CELF2: variants seen among roughly 807,000 people sequenced by gnomAD.
CELF2 encodes CUG triplet repeat RNA-binding protein 2.
A neutral mutation model predicts 62.6 loss-of-function variants in CELF2; 8 were observed. That is an observed-to-expected ratio of 0.13 (90% CI 0.07 to 0.23). The LOEUF (loss-of-function observed/expected upper bound fraction) is 0.23, where lower values mean the gene tolerates loss of function less well. Among genes scored for constraint, CELF2 ranks in the 10% least tolerant of loss-of-function variants. The pLI is 1.00. For synonymous variants in CELF2, 258 were observed against 250.0 expected (o/e 1.03, Z -0.30); for missense variants, 333 against 671.0 (o/e 0.50, Z 5.56).
chr10:11,074,450 C>T (rs1191648482), intron 1 of CELF2, among the ~76,000 whole-genome samples: 1 of 152,120 alleles, frequency 6.6e-6, no homozygotes, highest in Admixed American at 6.5e-5. Context: ...TGAATTGAAC[C>T]CTTCCGTTTT....
intron 7 of CELF2, among the ~76,000 whole-genome samples, chr10:11,273,304 C>T (rs2084574860): frequency 6.6e-6 from 1 of 152,148 alleles, no homozygotes; most frequent in African/African-American, 2.4e-5. Context: ...GCGTTACTGC[C>T]TGAGCCCCAC....
At chr10:11,231,559 T>TA (rs1385688195) in intron 3 of CELF2, among the ~76,000 whole-genome samples, 2 of 151,354 alleles carry the variant, frequency 1.3e-5, no homozygotes, top group African/African-American at 4.9e-5. Flanking sequence ...GGCTGGAAGA[T>TA]AAAAAGGACC....
At chr10:10,544,978 G>T in the CELF2 span, among the ~76,000 whole-genome samples, 1 of 152,154 alleles carries the variant, frequency 6.6e-6, no homozygotes, top group Non-Finnish European at 1.5e-5. Context: ...CAAAGTCATC[G>T]TTAAGATTCT....
At chr10:11,030,765 A>G (rs981595080) in intron 1 of CELF2, 1 of 152,216 alleles carries the variant, frequency 6.6e-6, no homozygotes, top group Non-Finnish European at 1.5e-5. Context: ...TGACCCAGCA[A>G]TCTTCTACTT....
the CELF2 span, among the ~76,000 whole-genome samples, chr10:10,522,941 G>T: frequency 1.3e-5 from 2 of 152,150 alleles, no homozygotes; most frequent in African/African-American, 4.8e-5. Context: ...GGTCAGCCCT[G>T]GATTAAGTTC....
the CELF2 span, among the ~76,000 whole-genome samples, chr10:10,676,453 T>A: frequency 6.6e-6 from 1 of 152,202 alleles, no homozygotes; most frequent in Non-Finnish European, 1.5e-5. Flanking sequence ...TCTGGTGTGT[T>A]TCAAAAATGG....
intron 9 of CELF2, among the ~76,000 whole-genome samples, chr10:11,312,759 C>A (rs1483319337): frequency 6.6e-6 from 1 of 152,144 alleles, no homozygotes; most frequent in Non-Finnish European, 1.5e-5. Context: ...CATGGTGAAA[C>A]CCCGTCTCTA....
intron 1 of CELF2, among the ~76,000 whole-genome samples, chr10:11,094,216 CTT>C (rs2049135946): frequency 6.6e-6 from 1 of 152,282 alleles, no homozygotes; most frequent in South Asian, 2.1e-4. Flanking sequence ...AGAACATTAA[CTT>C]TACGCTAAGT....
At chr10:11,173,989 G>T (rs886351716) in intron 2 of CELF2, among the ~76,000 whole-genome samples, 3 of 152,118 alleles carry the variant, frequency 2.0e-5, no homozygotes, top group Non-Finnish European at 4.4e-5. Flanking sequence ...AAGATGTTCC[G>T]ACCCATACTG....
chr10:11,258,068 T>C (rs997286765), intron 5 of CELF2, among the ~76,000 whole-genome samples, 196 bp downstream of exon 5: 13 of 152,220 alleles, frequency 8.5e-5, no homozygotes, highest in Non-Finnish European at 1.8e-4. Context: ...AAGGCCTTGG[T>C]GCCACCATAT....
the CELF2 span, among the ~76,000 whole-genome samples, chr10:10,508,704 G>GTGTGTATA: frequency 3.3e-5 from 2 of 60,914 alleles, no homozygotes; most frequent in African/African-American, 1.0e-4. Context: ...GTGTGTGTGT[G>GTGTGTATA]TATATTTTTT....
At chr10:11,166,310 G>A (rs1394248479) in intron 2 of CELF2, among the ~76,000 whole-genome samples, 2 of 152,154 alleles carry the variant, frequency 1.3e-5, no homozygotes, top group Non-Finnish European at 2.9e-5. Flanking sequence ...TGAGGGTTAC[G>A]CCCTTATCAG....
chr10:11,162,818 A>T (rs1373008377), intron 1 of CELF2, among the ~76,000 whole-genome samples: 1 of 152,218 alleles, frequency 6.6e-6, no homozygotes, highest in Non-Finnish European at 1.5e-5. Context: ...CGACACTGAG[A>T]GAGCCCTTAT....
chr10:10,633,106 A>T, the CELF2 span, among the ~76,000 whole-genome samples: 5 of 152,174 alleles, frequency 3.3e-5, no homozygotes, highest in Non-Finnish European at 7.3e-5. Context: ...CATTACCATC[A>T]TCATTATTAT....
chr10:11,322,435 T>C (rs933564527), intron 11 of CELF2, among the ~76,000 whole-genome samples: 2 of 152,256 alleles, frequency 1.3e-5, no homozygotes, highest in African/African-American at 4.8e-5. Flanking sequence ...CATTCTTCCT[T>C]ACTTGAAGCT....
chr10:11,057,805 C>T (rs2065667664), intron 1 of CELF2, among the ~76,000 whole-genome samples: 1 of 152,100 alleles, frequency 6.6e-6, no homozygotes, highest in Non-Finnish European at 1.5e-5. Context: ...TCCCTTTAAC[C>T]CATATTGCCA....
the CELF2 span, among the ~76,000 whole-genome samples, chr10:10,590,947 C>A: frequency 6.6e-6 from 1 of 152,138 alleles, no homozygotes; most frequent in Non-Finnish European, 1.5e-5. Context: ...AATTGTCTAT[C>A]CCTACTAAGC....
chr10:10,611,641 G>A, the CELF2 span, among the ~76,000 whole-genome samples: 2 of 152,190 alleles, frequency 1.3e-5, no homozygotes, highest in Non-Finnish European at 2.9e-5. Context: ...CTCTGTCCTT[G>A]TCTAACTTGA....
the CELF2 span, among the ~76,000 whole-genome samples, chr10:10,601,764 T>G: frequency 1.3e-5 from 2 of 151,910 alleles, no homozygotes; most frequent in Non-Finnish European, 2.9e-5. Context: ...GGGGTACATG[T>G]GCAGGATGTG....
Sources: allele counts gnomAD v4.1 joint callset (sites outside exome capture counted in the v4.1 genomes callset), GRCh38; gene constraint gnomAD v4.1.1; transcripts MANE v1.5; gene names NCBI Gene and HGNC (gene_info 2026-07-23, HGNC 2026-07-21).